Variants in HECTD4 observed in about 807,000 individuals in gnomAD.
HECTD4 encodes HECT domain E3 ubiquitin protein ligase 4, also known as probable E3 ubiquitin-protein ligase HECTD4.
Under a neutral mutation model 471.5 loss-of-function variants are expected in HECTD4, and 114 were observed. That is an observed-to-expected ratio of 0.24 (90% CI 0.21 to 0.28). The LOEUF (loss-of-function observed/expected upper bound fraction) is 0.28, where lower values mean the gene tolerates loss of function less well. Among genes scored for constraint, HECTD4 ranks in the 10% least tolerant of loss-of-function variants. HECTD4 has a pLI of 1.00. For missense variants in HECTD4, 3,866 were observed against 5,651.5 expected, an observed-to-expected ratio of 0.68 and a Z score of 10.13; for synonymous variants, 2,012 against 2,256.0, an observed-to-expected ratio of 0.89 and a Z score of 3.07.
Position 112,173,596 on chromosome 12 carries a change from G to A in HECTD4, c.11595-735C>T, listed in dbSNP as rs951418264. On this transcript the variant is annotated intron_variant, in intron 66 of 75. Transcript: ENST00000682272. This position sits in a 1 kb window ranked among gnomAD's most constrained non-coding sequence, Gnocchi z 4.3. ...TTTTTAGTAGAGACGAGGTTTCACC[G>A]TGTTAGCCAGGATGGTCTCAATCTC... 4.6e-5 allele frequency among the ~76,000 whole-genome samples: 7 copies of A among 151,678 alleles called. No individual in the cohort carries two copies. Among genetic ancestry groups the A allele is most frequent in the South Asian group, 4.2e-4 (2 of 4,792 alleles).
chr12:112,170,877 T>C (rs1245951754), intron 68 of HECTD4: 2 of 509,600 alleles, frequency 3.9e-6, no homozygotes. Context: ...TGATTTCTAA[T>C]TAATTTGAAA....
intron 34 of HECTD4, 74 bp downstream of exon 34, chr12:112,238,978 G>A: frequency 1.4e-6 from 2 of 1,381,240 alleles, no homozygotes; most frequent in Non-Finnish European, 2.0e-6. Flanking sequence ...CTTTCATTTA[G>A]CATAAAAAAA....
At chr12:112,336,302 T>C (rs1375525841) in intron 1 of HECTD4, among the ~76,000 whole-genome samples, 1 of 152,062 alleles carries the variant, frequency 6.6e-6, no homozygotes, top group Non-Finnish European at 1.5e-5. Context: ...GGCAGGTGGA[T>C]CATGAGGTCG....
intron 1 of HECTD4, among the ~76,000 whole-genome samples, chr12:112,358,416 G>C (rs2036385587): frequency 6.6e-6 from 1 of 151,798 alleles, no homozygotes; most frequent in Admixed American, 6.6e-5. Context: ...AGGAGTTCAA[G>C]ACCAGCTTGA....
chr12:112,338,982 G>A (rs545129002), intron 1 of HECTD4, among the ~76,000 whole-genome samples: 4 of 152,052 alleles, frequency 2.6e-5, no homozygotes, highest in Non-Finnish European at 5.9e-5. Flanking sequence ...ATAATTCAAC[G>A]TGAGATTTGG....
At chr12:112,354,666 A>ACAGAG (rs2036301256) in intron 1 of HECTD4, among the ~76,000 whole-genome samples, 1 of 152,122 alleles carries the variant, frequency 6.6e-6, no homozygotes, top group Non-Finnish European at 1.5e-5. Flanking sequence ...AGCTTGGGCA[A>ACAGAG]CAGAGCAGAC....
chr12:112,260,472 C>A (rs986417230), intron 18 of HECTD4, among the ~76,000 whole-genome samples: 13 of 152,204 alleles, frequency 8.5e-5, no homozygotes, highest in Admixed American at 2.0e-4. Context: ...GACAGGGTTA[C>A]GGAAGCAAAA....
intron 21 of HECTD4, among the ~76,000 whole-genome samples, chr12:112,254,977 T>G (rs1223205996): frequency 6.6e-6 from 1 of 152,224 alleles, no homozygotes; most frequent in Non-Finnish European, 1.5e-5. Flanking sequence ...AGTAGCTCTA[T>G]CTTCAGCCCT....
intron 65 of HECTD4, 144 bp downstream of exon 65, chr12:112,176,452 C>A: frequency 1.6e-6 from 1 of 633,002 alleles, no homozygotes; most frequent in Non-Finnish European, 2.9e-6. Flanking sequence ...TGCCTGATAC[C>A]CCAGGGAACC....
intron 4 of HECTD4, among the ~76,000 whole-genome samples, chr12:112,310,449 G>A (rs2035349769): frequency 6.6e-6 from 1 of 152,080 alleles, no homozygotes; most frequent in Admixed American, 6.6e-5. Flanking sequence ...ATGGTAATTG[G>A]TTTAGTAACT....
At chr12:112,253,620 C>T (rs557639231) in intron 22 of HECTD4, among the ~76,000 whole-genome samples, 2 of 152,334 alleles carry the variant, frequency 1.3e-5, no homozygotes, top group African/African-American at 4.8e-5. Context: ...GCACTAATTT[C>T]ATCAGTTTGA....
intron 72 of HECTD4, 89 bp downstream of exon 72, chr12:112,167,228 C>G: frequency 2.6e-6 from 3 of 1,172,232 alleles, no homozygotes; most frequent in African/African-American, 3.1e-5. Context: ...CCAGCCTCAG[C>G]GGGGAGCTCG....
In HECTD4 at chr12:112,204,602, T is replaced by C; in HGVS notation, c.8153A>G (p.Gln2718Arg). The C allele has an allele frequency of 6.2e-7, 1 of 1,613,602 alleles. No individual in the cohort carries two copies. The highest frequency in any genetic ancestry group is 8.5e-7 in the Non-Finnish European group (1 of 1,179,604). Residue 2718 changes from glutamine (Q) to arginine (R), a missense_variant, in exon 53 of 76, where the codon CAG becomes CGG. Gln to Arg is a conservative substitution (Grantham distance 43, BLOSUM62 1). Coordinates refer to ENST00000682272, the MANE Select transcript of HECTD4 (RefSeq NM_001388303.1). ...LQLGMVDIAR[Q>R]TVEFLYEENG... Reference sequence around the variant, plus strand: ...CTCTTCGTAGAGAAATTCAACCGTCTGTCGGGCAATATCCACCATACCTAA... The same window carrying C: ...CTCTTCGTAGAGAAATTCAACCGTCCGTCGGGCAATATCCACCATACCTAA...
intron 7 of HECTD4, chr12:112,302,185 A>C: frequency 8.4e-7 from 1 of 1,188,290 alleles, no homozygotes; most frequent in South Asian, 1.3e-5. Flanking sequence ...GCTCGATGGA[A>C]TCCACATCGT....
chr12:112,197,757 C>T (rs1047030010), intron 55 of HECTD4, among the ~76,000 whole-genome samples: 9 of 152,076 alleles, frequency 5.9e-5, no homozygotes, highest in Non-Finnish European at 1.2e-4. Context: ...AAGTTGTTTG[C>T]TAAAAAAAAT....
At chr12:112,172,273 A>C (rs1462325545) in intron 67 of HECTD4, among the ~76,000 whole-genome samples, 5 of 152,270 alleles carry the variant, frequency 3.3e-5, no homozygotes, top group Admixed American at 2.0e-4. Context: ...CTAGCTTTTA[A>C]CAAAAACATG....
chr12:112,348,003 G>A (rs1223448269), intron 1 of HECTD4, among the ~76,000 whole-genome samples: 1 of 152,094 alleles, frequency 6.6e-6, no homozygotes. Context: ...GAAATAGTTC[G>A]CTTCTGAGTC....
chr12:112,179,749 A>T lies in HECTD4; in HGVS notation c.10988-352T>A, dbSNP rs530506473. Among the ~76,000 whole-genome samples, 9 of 152,276 alleles carry T rather than the reference A, an allele frequency of 5.9e-5. 1 individual carries two copies. The East Asian group carries it at 1.7e-3, about 29-fold the overall frequency. On this transcript the variant is annotated intron_variant, in intron 62 of 75. Transcript: ENST00000682272. This position sits in a 1 kb window ranked among gnomAD's most constrained non-coding sequence, Gnocchi z 4.3. Reference sequence around the variant, plus strand: ...CACCCTCACTCTTATATCTGCAGGGAATTAACTTCCACTGGACTTGAGCCA... The same window carrying T: ...CACCCTCACTCTTATATCTGCAGGGTATTAACTTCCACTGGACTTGAGCCA...
chr12:112,192,431 C>T (rs919362504), intron 59 of HECTD4, 129 bp downstream of exon 59: 13 of 647,678 alleles, frequency 2.0e-5, no homozygotes, highest in Non-Finnish European at 2.7e-5. Flanking sequence ...CCAGAAGTCC[C>T]CAGAAGTCCT....
Sources: allele counts gnomAD v4.1 joint callset (sites outside exome capture counted in the v4.1 genomes callset), GRCh38; gene constraint gnomAD v4.1.1; non-coding constraint Gnocchi (gnomAD v3.1); transcripts MANE v1.5; gene names NCBI Gene and HGNC (gene_info 2026-07-23, HGNC 2026-07-21).